The following ACVR2B variants were observed in gnomAD, a reference collection of about 807,000 sequenced individuals.
The protein encoded by ACVR2B is activin receptor type-2B.
Under a neutral mutation model 65.1 loss-of-function variants are expected in ACVR2B, and 18 were observed. The ratio of observed to expected loss-of-function variants is 0.28; its 90% CI spans 0.19 to 0.41. The LOEUF (loss-of-function observed/expected upper bound fraction) is 0.41. Ranked by LOEUF, ACVR2B falls within the 10% of genes least tolerant of loss-of-function variation. The probability of loss-of-function intolerance (pLI) is 1.00; values close to 1 mark genes in which losing one functional copy is unlikely to be tolerated. For missense variants in ACVR2B, 482 were observed against 682.7 expected (o/e 0.71, Z 3.28); for synonymous variants, 298 against 277.7 (o/e 1.07, Z -0.73).
At chr3:38,455,194 T>G (rs1709526219) in intron 1 of ACVR2B, among the ~76,000 whole-genome samples, 1 of 151,916 alleles carries the variant, frequency 6.6e-6, no homozygotes, top group African/African-American at 2.4e-5. Context: ...GAGTTCCGCC[T>G]GGAAAGCTTG....
chr3:38,460,731 T>G (rs1575578495), intron 1 of ACVR2B, among the ~76,000 whole-genome samples: 1 of 152,202 alleles, frequency 6.6e-6, no homozygotes, highest in African/African-American at 2.4e-5. Flanking sequence ...TCTGGATGGG[T>G]CTGACCTGCT....
In ACVR2B at chr3:38,490,880, G is replaced by T. The variant is rs1437968067; in HGVS notation, c.*7548G>T. On this transcript the variant is annotated 3_prime_UTR_variant, in exon 11 of 11. Coordinates refer to ENST00000352511, the MANE Select transcript of ACVR2B (RefSeq NM_001106.4). ...GTGGGATGGGTCTAGAGTGTCATCTGAATGGTGCTTCCTGTGTTCCTCTTT... is the reference window on the plus strand; with the variant it reads ...GTGGGATGGGTCTAGAGTGTCATCTTAATGGTGCTTCCTGTGTTCCTCTTT... 1 of 152,668 alleles carries T rather than the reference G, an allele frequency of 6.6e-6. No individual in the cohort carries two copies. The highest frequency in any genetic ancestry group is 2.4e-5 in the African/African-American group (1 of 41,450). The allele number at this position is 152,668 out of a possible 1,614,324, so 9.5% of individuals were successfully genotyped here. A position where few individuals can be genotyped will look rare whatever the true frequency, so the allele number is the denominator to read the frequency against.
At position 38,492,787 on chromosome 3, in the gene ACVR2B, CA is replaced by C. The variant is rs1559662915; in HGVS notation, c.*9456del. The C allele has an allele frequency of 2.1e-4, 10 of 47,942 alleles. No individual in the cohort carries two copies. The highest frequency in any genetic ancestry group is 6.9e-4 in the East Asian group (1 of 1,450). 3.0% of individuals were successfully genotyped at this position (47,942 alleles called of 1,614,324 possible). On this transcript the variant is annotated 3_prime_UTR_variant, in exon 11 of 11. Transcript: ENST00000352511. ...ACACACACACACACACACACACACACACACACACACACACACATACACCTAA... is the reference window on the plus strand; with the variant it reads ...ACACACACACACACACACACACACACCACACACACACACACATACACCTAA...
At position 38,477,396 on chromosome 3, in the gene ACVR2B, C is replaced by G. The variant is rs771809402; in HGVS notation, c.162C>G (p.Asp54Glu). The change falls in exon 2 of 11, where the codon GAC (aspartate) becomes GAG (glutamate). Residue 54 changes from aspartate to glutamate, a missense_variant. Physicochemically the swap from Asp to Glu is conservative, Grantham distance 45 (BLOSUM62 2). This residue lies in a region of ACVR2B where 85 missense variants were observed against 137.3 expected (regional missense o/e 0.62). Transcript: ENST00000352511. The surrounding 1 kb of genome is among the most constrained non-coding windows in gnomAD (Gnocchi z 6.7). ...SGLERCEGEQ[D>E]KRLHCYASWR... is the part of the protein sequence containing the mutation. ...TGGAGCGCTGCGAAGGCGAGCAGGA[C>G]AAGCGGCTGCACTGCTACGCCTCCT... The G allele has an allele frequency of 6.2e-7, 1 of 1,614,062 alleles. No homozygotes were observed. Among genetic ancestry groups the G allele is most frequent in the African/African-American group, 1.3e-5 (1 of 74,932 alleles).
chr3:38,471,084 C>T (rs1449836224), intron 1 of ACVR2B, among the ~76,000 whole-genome samples: 6 of 151,972 alleles, frequency 3.9e-5, no homozygotes, highest in African/African-American at 9.7e-5. Flanking sequence ...TACTAACACA[C>T]GAAATGTCAT....
At chr3:38,478,845 T>A (rs1458589713) in intron 5 of ACVR2B, among the ~76,000 whole-genome samples, 7 of 152,126 alleles carry the variant, frequency 4.6e-5, no homozygotes, top group Non-Finnish European at 7.4e-5. Context: ...ACGGGGTCAC[T>A]CACACCCCAT....
chr3:38,491,197 C>T lies in ACVR2B; in HGVS notation c.*7865C>T, dbSNP rs574129350. 1 of 152,436 alleles carries T rather than the reference C, an allele frequency of 6.6e-6. No homozygotes were observed. The highest frequency in any genetic ancestry group is 1.9e-4 in the East Asian group (1 of 5,180). The allele number at this position is 152,436 out of a possible 1,614,324, so 9.4% of individuals were successfully genotyped here. On this transcript the variant is annotated 3_prime_UTR_variant, in exon 11 of 11. Transcript: ENST00000352511. ...TAAATATATATATTTTTTAAAGAGC[C>T]TTTTTTACCAGTTCAAAAAGTTTAA...
rs1482141860 is a variant in ACVR2B, at chr3:38,483,687, CA to C, written c.*356del. 2 of 157,468 alleles carry C rather than the reference CA, an allele frequency of 1.3e-5. No homozygotes were observed. Among genetic ancestry groups the C allele is most frequent in the African/African-American group, 4.8e-5 (2 of 41,472 alleles). The allele number at this position is 157,468 out of a possible 1,614,324, so 9.8% of individuals were successfully genotyped here. ...CCCGCTTTCTCTTTGTTTGTCGTCT[CA>C]GAATCTGTGACACAAAGAAACCCAT... On this transcript the variant is annotated 3_prime_UTR_variant, in exon 11 of 11. Coordinates refer to ENST00000352511, the MANE Select transcript of ACVR2B (RefSeq NM_001106.4). This position sits in a 1 kb window ranked among gnomAD's most constrained non-coding sequence, Gnocchi z 4.8.
rs1421004052 is a variant in ACVR2B at position 38,477,845 on chromosome 3, A to C, written c.261-16A>C. 6.2e-7 allele frequency: 1 copy of C among 1,613,474 alleles called. No individual in the cohort carries two copies. The highest frequency in any genetic ancestry group is 1.3e-5 in the African/African-American group (1 of 74,894). On this transcript the variant is annotated splice_polypyrimidine_tract_variant and intron_variant, in intron 2 of 10. Transcript: ENST00000352511. The surrounding 1 kb of genome is among the most constrained non-coding windows in gnomAD (Gnocchi z 6.7). Reference sequence around the variant, plus strand: ...TCCCCCAGGTGAGGGGTATATGGAAAATTCTGTGCCTCCAGGCAGGAGTGT... The same window carrying C: ...TCCCCCAGGTGAGGGGTATATGGAACATTCTGTGCCTCCAGGCAGGAGTGT...
chr3:38,455,047 T>A (rs943203212), intron 1 of ACVR2B, among the ~76,000 whole-genome samples: 1 of 152,034 alleles, frequency 6.6e-6, no homozygotes, highest in Admixed American at 6.5e-5. Flanking sequence ...AGGTCCCTCT[T>A]CCTTCGGGCC....
At chr3:38,465,939 G>C (rs1046374500) in intron 1 of ACVR2B, among the ~76,000 whole-genome samples, 1 of 152,170 alleles carries the variant, frequency 6.6e-6, no homozygotes, top group Non-Finnish European at 1.5e-5. Flanking sequence ...TATCAAAAGA[G>C]CTGTAGTTAT....
In ACVR2B at chr3:38,483,248, C is replaced by A; in HGVS notation, c.1455C>A (p.Val485=). ...GGGTGTCCCTGATTCGGAGGTCGGTCAACGGCACTACCTCGGACTGTCTCG... is the reference window on the plus strand; with the variant it reads ...GGGTGTCCCTGATTCGGAGGTCGGTAAACGGCACTACCTCGGACTGTCTCG... The part of the protein sequence containing the change: ...EERVSLIRRS[V]NGTTSDCLVS... The change falls in exon 11 of 11, where the codon GTC becomes GTA. Residue 485 remains valine (V), a synonymous_variant. Coordinates refer to ENST00000352511, the MANE Select transcript of ACVR2B (RefSeq NM_001106.4). This position sits in a 1 kb window ranked among gnomAD's most constrained non-coding sequence, Gnocchi z 4.8. 1 of 1,614,062 alleles carries A rather than the reference C, an allele frequency of 6.2e-7. No homozygotes were observed. Among genetic ancestry groups the A allele is most frequent in the South Asian group, 1.1e-5 (1 of 91,074 alleles).
At position 38,477,079 on chromosome 3, in the gene ACVR2B, G is replaced by T. The variant is rs1032940355; in HGVS notation, c.53-208G>T. On this transcript the variant is annotated intron_variant, in intron 1 of 10. Transcript: ENST00000352511. This position sits in a 1 kb window ranked among gnomAD's most constrained non-coding sequence, Gnocchi z 6.7. ...GCTGTGATGGGCTGCAGAATGAGGT[G>T]GGGGCTGGTGCCAGCTGGCACACGT... 1.6e-6 allele frequency: 1 copy of T among 613,160 alleles called. No homozygotes were observed. Among genetic ancestry groups the T allele is most frequent in the African/African-American group, 1.8e-5 (1 of 54,242 alleles). 38.0% of individuals were successfully genotyped at this position (613,160 alleles called of 1,614,324 possible).
intron 3 of ACVR2B, 57 bp downstream of exon 3, chr3:38,478,027 T>A: frequency 6.2e-7 from 1 of 1,603,132 alleles, no homozygotes; most frequent in Non-Finnish European, 8.5e-7. Flanking sequence ...CTTCTTTGGC[T>A]TGGAGCGCTT....
At position 38,481,931 on chromosome 3, in the gene ACVR2B, C is replaced by T. The variant is rs552896639; in HGVS notation, c.1075-267C>T. Among the ~76,000 whole-genome samples, 5 of 152,164 alleles carry T rather than the reference C, an allele frequency of 3.3e-5. No individual in the cohort carries two copies. The South Asian group carries it at 8.3e-4, about 25-fold the overall frequency. ...AGTCAGATACATATCATCTGTAGTT[C>T]CTTGTATTAATTTGGTAACAATTCC... On this transcript the variant is annotated intron_variant, in intron 8 of 10. Transcript: ENST00000352511. This position sits in a 1 kb window ranked among gnomAD's most constrained non-coding sequence, Gnocchi z 4.7.
intron 1 of ACVR2B, chr3:38,476,725 C>G (rs994440074): frequency 1.2e-5 from 2 of 165,030 alleles, no homozygotes; most frequent in African/African-American, 4.8e-5. Context: ...TCACAATCAC[C>G]TGAGACAGAC....
intron 1 of ACVR2B, among the ~76,000 whole-genome samples, chr3:38,465,067 G>A (rs903873950): frequency 2.6e-5 from 4 of 152,052 alleles, no homozygotes; most frequent in Non-Finnish European, 5.9e-5. Flanking sequence ...CAACCTGGAT[G>A]ACCTCCAGGT....
rs563740673 is a variant in ACVR2B, at chr3:38,485,476, G to C, written c.*2144G>C. The C allele has an allele frequency of 4.6e-5, 7 of 152,292 alleles. No individual in the cohort carries two copies. In the East Asian group the frequency reaches 1.4e-3, roughly 29 times the overall value. 9.4% of individuals were successfully genotyped at this position (152,292 alleles called of 1,614,324 possible). Reference sequence around the variant, plus strand: ...TGTGAGGGGCACTGCACATGCCTGGGCATCTACCTAGTGTGCTATGTTCAG... The same window carrying C: ...TGTGAGGGGCACTGCACATGCCTGGCCATCTACCTAGTGTGCTATGTTCAG... On this transcript the variant is annotated 3_prime_UTR_variant, in exon 11 of 11. Transcript: ENST00000352511.
rs1245540274 is a variant in ACVR2B at position 38,492,807 on chromosome 3, CA to C, written c.*9476del. 6.7e-5 allele frequency: 8 copies of C among 119,142 alleles called. No homozygotes were observed. The highest frequency in any genetic ancestry group is 2.8e-4 in the East Asian group (1 of 3,628). The allele number at this position is 119,142 out of a possible 1,614,324, so 7.4% of individuals were successfully genotyped here. ...ACACACACACACACACACACACATA[CA>C]CCTAAAATGGCCTAAAGCAGACATC... On this transcript the variant is annotated 3_prime_UTR_variant, in exon 11 of 11. Coordinates refer to ENST00000352511, the MANE Select transcript of ACVR2B (RefSeq NM_001106.4).
Sources: gnomAD v4.1 joint callset for allele counts (sites outside exome capture counted in the v4.1 genomes callset) on GRCh38, gnomAD v4.1.1 for gene constraint, gnomAD v4.1.1 regional missense constraint, Gnocchi (gnomAD v3.1) non-coding constraint, MANE v1.5 for transcripts, NCBI Gene and HGNC (gene_info 2026-07-23, HGNC 2026-07-21) for gene names.